Variants in DCP2 observed in about 807,000 individuals in gnomAD.
The protein encoded by DCP2 is m7GpppN-mRNA hydrolase.
DCP2 carries 30 observed loss-of-function variants against 56.1 expected under a neutral mutation model. That is an observed-to-expected ratio of 0.53 (90% CI 0.40 to 0.73). DCP2 has a LOEUF of 0.73. DCP2 is among the 30% of genes least tolerant of loss of function. The pLI, the probability that DCP2 is intolerant of heterozygous loss-of-function variation, is 0.00. For missense variants in DCP2, 533 were observed against 502.7 expected (o/e 1.06, Z -0.58); for synonymous variants, 197 against 163.3 (o/e 1.21, Z -1.57).
At position 113,001,084 on chromosome 5, in the gene DCP2, G is replaced by A. The variant is rs761656672; in HGVS notation, c.433G>A (p.Val145Ile). Reference sequence around the variant, plus strand: ...TTTCATCCAAATTTGTTGTTTCCAGGTCTTTGAAGAAACTGGTTTTGATAT... The same window carrying A: ...TTTCATCCAAATTTGTTGTTTCCAGATCTTTGAAGAAACTGGTTTTGATAT... Reference protein sequence around the residue: ...EAPHDCAAREVFEETGFDIKD... With the variant: ...EAPHDCAAREIFEETGFDIKD... The change falls in exon 5 of 11, where the codon GTC becomes ATC. Residue 145 changes from valine (V) to isoleucine (I), a missense_variant and splice_region_variant. Val to Ile is a conservative substitution (Grantham distance 29, BLOSUM62 3). This residue lies in a region of DCP2 where 392 missense variants were observed against 346.6 expected (regional missense o/e 1.13). Transcript: ENST00000389063. The A allele has an allele frequency of 5.6e-6, 9 of 1,593,096 alleles. No homozygotes were observed. The highest frequency in any genetic ancestry group is 7.7e-6 in the Non-Finnish European group (9 of 1,171,234).
Position 113,016,961 on chromosome 5 carries a change from C to A in DCP2, c.*3477C>A, listed in dbSNP as rs1237109103. ...GGTTCAAGTGATTCTCCTGCCTCAG[C>A]CTCCCAAGTAGCTGGGATTACAGGC... On this transcript the variant is annotated 3_prime_UTR_variant, in exon 11 of 11. Coordinates refer to ENST00000389063, the MANE Select transcript of DCP2 (RefSeq NM_152624.6). 7 of 151,908 alleles carry A rather than the reference C, an allele frequency of 4.6e-5. No homozygotes were observed. Among genetic ancestry groups the A allele is most frequent in the African/African-American group, 1.7e-4 (7 of 41,280 alleles). The allele number at this position is 151,908 out of a possible 1,614,324, so 9.4% of individuals were successfully genotyped here.
intron 7 of DCP2, among the ~76,000 whole-genome samples, chr5:113,002,757 C>T (rs888966343): frequency 3.5e-4 from 54 of 152,124 alleles, no homozygotes; most frequent in African/African-American, 1.3e-3. Flanking sequence ...TCTTGGGCTC[C>T]AGTGATCCTC....
rs117509801 is a variant in DCP2, at chr5:113,019,534, G to A, written c.*6050G>A. 1 of 152,184 alleles carries A rather than the reference G, an allele frequency of 6.6e-6. No homozygotes were observed. The highest frequency in any genetic ancestry group is 1.5e-5 in the Non-Finnish European group (1 of 68,022). 9.4% of individuals were successfully genotyped at this position (152,184 alleles called of 1,614,324 possible). On this transcript the variant is annotated 3_prime_UTR_variant, in exon 11 of 11. Transcript: ENST00000389063. ...TAAATGCAAGTGTCCAAAGAAATGAGTCTTAAAGTTCTTTGGTCATATTTC... is the reference window on the plus strand; with the variant it reads ...TAAATGCAAGTGTCCAAAGAAATGAATCTTAAAGTTCTTTGGTCATATTTC...
At chr5:112,984,725 T>TATATATATATATA (rs1157313721) in intron 1 of DCP2, 20 of 135,550 alleles carry the variant, frequency 1.5e-4, no homozygotes, top group South Asian at 4.5e-4. Context: ...TATATATATA[T>TATATATATATATA]TTGAGACAGT....
chr5:113,001,859 G>A (rs767973036), intron 7 of DCP2, among the ~76,000 whole-genome samples, 185 bp downstream of exon 7: 2 of 152,202 alleles, frequency 1.3e-5, no homozygotes, highest in Non-Finnish European at 2.9e-5. Flanking sequence ...AGGTTAATTG[G>A]AGTTGGAAAG....
intron 1 of DCP2, among the ~76,000 whole-genome samples, chr5:112,978,400 C>G (rs1424128713): frequency 6.6e-6 from 1 of 152,168 alleles, no homozygotes; most frequent in Non-Finnish European, 1.5e-5. Context: ...GATTCAGGAA[C>G]TTTGTAATTT....
rs1384924995 is a variant in DCP2, at chr5:113,021,233, G to C, written c.*7749G>C. Among the ~76,000 whole-genome samples, 1 of 151,942 alleles carries C rather than the reference G, an allele frequency of 6.6e-6. No individual in the cohort carries two copies. The highest frequency in any genetic ancestry group is 1.9e-4 in the East Asian group (1 of 5,182). On this transcript the variant is annotated 3_prime_UTR_variant, in exon 11 of 11. Coordinates refer to ENST00000389063, the MANE Select transcript of DCP2 (RefSeq NM_152624.6). ...AATTCAAAAATTAGCTGGGCGTGGT[G>C]GTGCGTGTCTGTAGTCCCAGCTACT...
intron 7 of DCP2, among the ~76,000 whole-genome samples, chr5:113,003,573 C>T (rs1170772984): frequency 6.6e-6 from 1 of 152,054 alleles, no homozygotes; most frequent in Non-Finnish European, 1.5e-5. Flanking sequence ...GAAACCCAGT[C>T]TCAAAAAGCA....
At chr5:112,979,935 C>T (rs186730026) in intron 1 of DCP2, among the ~76,000 whole-genome samples, 5 of 151,810 alleles carry the variant, frequency 3.3e-5, no homozygotes, top group Admixed American at 6.6e-5. Flanking sequence ...ATTCGTATGC[C>T]GAAAGAATAT....
At chr5:112,991,641 T>C (rs1748594509) in intron 2 of DCP2, among the ~76,000 whole-genome samples, 1 of 152,234 alleles carries the variant, frequency 6.6e-6, no homozygotes, top group Non-Finnish European at 1.5e-5. Context: ...CTTTTTCTGA[T>C]GTGATAGTTT....
At chr5:113,002,957 T>TA in intron 7 of DCP2, among the ~76,000 whole-genome samples, 1 of 152,336 alleles carries the variant, frequency 6.6e-6, no homozygotes, top group East Asian at 1.9e-4. Context: ...TTGCCTATGT[T>TA]AGAGAGAGTT....
In DCP2 at chr5:113,021,141, A is replaced by G. The variant is rs1580850209; in HGVS notation, c.*7657A>G. 1.3e-5 allele frequency among the ~76,000 whole-genome samples: 2 copies of G among 152,262 alleles called. No individual in the cohort carries two copies. The highest frequency in any genetic ancestry group is 4.8e-5 in the African/African-American group (2 of 41,542). On this transcript the variant is annotated 3_prime_UTR_variant, in exon 11 of 11. Coordinates refer to ENST00000389063, the MANE Select transcript of DCP2 (RefSeq NM_152624.6). ...ATACCTGTAATCCCAGCACTTTGGGAGGCTGAGTTGGGTGGATCACGAGGT... is the reference window on the plus strand; with the variant it reads ...ATACCTGTAATCCCAGCACTTTGGGGGGCTGAGTTGGGTGGATCACGAGGT...
chr5:112,995,446 C>CATGGGATT (rs530604889), intron 4 of DCP2, among the ~76,000 whole-genome samples: 210 of 152,292 alleles, frequency 1.4e-3, no homozygotes, highest in Non-Finnish European at 2.5e-3. Flanking sequence ...TAGCTCTGTA[C>CATGGGATT]ATGGGATTAG....
rs1340498812 is a variant in DCP2, at chr5:113,017,676, T to C, written c.*4192T>C. On this transcript the variant is annotated 3_prime_UTR_variant, in exon 11 of 11. Transcript: ENST00000389063. Reference sequence around the variant, plus strand: ...TTATTGTTATAGAATCAAAGTGTCCTGAAGGGAGAAGAATAGCTATAGTTG... The same window carrying C: ...TTATTGTTATAGAATCAAAGTGTCCCGAAGGGAGAAGAATAGCTATAGTTG... 2 of 152,300 alleles carry C rather than the reference T, an allele frequency of 1.3e-5. No individual in the cohort carries two copies. Among genetic ancestry groups the C allele is most frequent in the Non-Finnish European group, 2.9e-5 (2 of 68,032 alleles). The allele number at this position is 152,300 out of a possible 1,614,324, so 9.4% of individuals were successfully genotyped here. A position where few individuals can be genotyped will look rare whatever the true frequency, so the allele number is the denominator to read the frequency against.
intron 2 of DCP2, among the ~76,000 whole-genome samples, chr5:112,987,371 T>C (rs1042281653): frequency 2.0e-4 from 31 of 152,262 alleles, no homozygotes; most frequent in African/African-American, 7.0e-4. Context: ...TAATAGCAGA[T>C]ATGGTTGGAA....
At chr5:112,982,534 T>C (rs1369097792) in intron 1 of DCP2, among the ~76,000 whole-genome samples, 1 of 152,242 alleles carries the variant, frequency 6.6e-6, no homozygotes, top group Non-Finnish European at 1.5e-5. Context: ...GTAAAATACC[T>C]GTTTCTGTTT....
intron 4 of DCP2, among the ~76,000 whole-genome samples, chr5:113,000,134 T>G (rs1749084364): frequency 6.6e-6 from 1 of 151,816 alleles, no homozygotes; most frequent in African/African-American, 2.4e-5. Flanking sequence ...TTTATCTACA[T>G]TTTTTTGTAT....
intron 1 of DCP2, among the ~76,000 whole-genome samples, chr5:112,984,858 C>T (rs1748198587): frequency 1.3e-5 from 2 of 151,158 alleles, no homozygotes; most frequent in African/African-American, 2.4e-5. Context: ...ATGCATGCCA[C>T]CATATCTGGC....
At chr5:113,005,105 G>T (rs1749355716) in intron 8 of DCP2, among the ~76,000 whole-genome samples, 2 of 150,978 alleles carry the variant, frequency 1.3e-5, no homozygotes, top group African/African-American at 4.9e-5. Flanking sequence ...CTCCAGCCTG[G>T]GCAATAAGAA....
Sources: allele counts gnomAD v4.1 joint callset (sites outside exome capture counted in the v4.1 genomes callset), GRCh38; gene constraint gnomAD v4.1.1; regional missense constraint gnomAD v4.1.1; transcripts MANE v1.5; gene names NCBI Gene and HGNC (gene_info 2026-07-23, HGNC 2026-07-21).